The following CSMD1 variants were observed in gnomAD, a reference collection of about 807,000 sequenced individuals.
CSMD1 encodes CUB and Sushi multiple domains 1, also known as CUB and sushi domain-containing protein 1.
CSMD1 carries 213 observed loss-of-function variants against 417.5 expected under a neutral mutation model. The ratio of observed to expected loss-of-function variants is 0.51; its 90% CI spans 0.46 to 0.57. CSMD1 has a LOEUF of 0.57. Among genes scored for constraint, CSMD1 ranks in the 20% least tolerant of loss-of-function variants. The pLI, the probability that CSMD1 is intolerant of heterozygous loss-of-function variation, is 0.00. For synonymous variants in CSMD1, 2,862 were observed against 1,736.8 expected, an observed-to-expected ratio of 1.65 and a Z score of -16.11; for missense variants, 6,923 against 4,529.7, an observed-to-expected ratio of 1.53 and a Z score of -15.17.
intron 3 of CSMD1, among the ~76,000 whole-genome samples, chr8:4,368,869 G>A (rs1300100866): frequency 6.6e-6 from 1 of 152,004 alleles, no homozygotes; most frequent in Non-Finnish European, 1.5e-5. Flanking sequence ...CTATCTCACA[G>A]TCTATCAATC....
At chr8:3,403,624 A>T (rs1812172310) in intron 15 of CSMD1, among the ~76,000 whole-genome samples, 1 of 152,226 alleles carries the variant, frequency 6.6e-6, no homozygotes, top group Non-Finnish European at 1.5e-5. Context: ...ATGGTAAAGG[A>T]CATAAGGCAC....
intron 3 of CSMD1, among the ~76,000 whole-genome samples, chr8:4,042,295 G>A (rs993792197): frequency 6.6e-6 from 1 of 152,094 alleles, no homozygotes; most frequent in East Asian, 1.9e-4. Context: ...ACTAGTGGGG[G>A]TAGGAGTAAT....
intron 7 of CSMD1, among the ~76,000 whole-genome samples, chr8:3,647,035 G>A (rs1042400768): frequency 1.3e-5 from 2 of 152,096 alleles, no homozygotes; most frequent in African/African-American, 2.4e-5. Flanking sequence ...TGCCACTTCT[G>A]GTGCTTCTTG....
At chr8:4,402,991 C>G (rs993980548) in intron 3 of CSMD1, among the ~76,000 whole-genome samples, 1 of 151,358 alleles carries the variant, frequency 6.6e-6, no homozygotes, top group African/African-American at 2.4e-5. Context: ...GGCTAATTTT[C>G]TTTTGTTGTT....
chr8:4,720,591 T>C lies in CSMD1; in HGVS notation c.86-83033A>G, dbSNP rs140435400. ...TGCCACCATGCCAGGCTAATTTCTG[T>C]ATTTAAATAGAGACAGGGTTTCACC... On this transcript the variant is annotated intron_variant, in intron 1 of 69. Transcript: ENST00000635120. Among the ~76,000 whole-genome samples the C allele has an allele frequency of 7.9e-5, 12 of 152,234 alleles. No individual in the cohort carries two copies. The East Asian group carries it at 2.3e-3, about 29-fold the overall frequency.
intron 25 of CSMD1, among the ~76,000 whole-genome samples, chr8:3,299,296 A>G (rs542299536): frequency 6.6e-6 from 1 of 152,224 alleles, no homozygotes; most frequent in South Asian, 2.1e-4. Flanking sequence ...TACTAAAAAT[A>G]TAAAAATCAG....
chr8:4,800,599 C>T (rs76176146), intron 1 of CSMD1, among the ~76,000 whole-genome samples: 1 of 152,300 alleles, frequency 6.6e-6, no homozygotes, highest in South Asian at 2.1e-4. Context: ...GGAAGGACGC[C>T]TAGCAAAGGG....
At chr8:3,397,003 G>C (rs1811743286) in intron 16 of CSMD1, among the ~76,000 whole-genome samples, 1 of 152,086 alleles carries the variant, frequency 6.6e-6, no homozygotes, top group Non-Finnish European at 1.5e-5. Context: ...AGTTACAACA[G>C]CTTCCAAAAA....
intron 10 of CSMD1, among the ~76,000 whole-genome samples, chr8:3,553,650 T>C (rs927034991): frequency 3.9e-5 from 6 of 152,210 alleles, no homozygotes; most frequent in Admixed American, 2.6e-4. Flanking sequence ...TGAAAACAAC[T>C]TGACTCTTTG....
At chr8:4,543,934 T>C (rs908030070) in intron 2 of CSMD1, among the ~76,000 whole-genome samples, 6 of 152,178 alleles carry the variant, frequency 3.9e-5, no homozygotes, top group Non-Finnish European at 5.9e-5. Flanking sequence ...TTATCATCTT[T>C]GGTGAGGTGT....
Position 3,029,649 on chromosome 8 carries a change from A to T in CSMD1, c.7661-136T>A, listed in dbSNP as rs200668844. 3.0e-5 allele frequency: 20 copies of T among 664,938 alleles called. No homozygotes were observed. In the East Asian group the frequency reaches 5.2e-4, roughly 17 times the overall value. 41.2% of individuals were successfully genotyped at this position (664,938 alleles called of 1,614,324 possible). A position where few individuals can be genotyped will look rare whatever the true frequency, so the allele number is the denominator to read the frequency against. The stretch of plus-strand genomic sequence containing the variant: ...AGTTGATGCCATTACGTATTATCTC[A>T]GTGTTTCTCTACCACCCACATAGAC... On this transcript the variant is annotated intron_variant, in intron 50 of 69. Coordinates refer to ENST00000635120, the MANE Select transcript of CSMD1 (RefSeq NM_033225.6).
intron 3 of CSMD1, among the ~76,000 whole-genome samples, chr8:4,081,047 T>G (rs1417297169): frequency 1.3e-5 from 2 of 152,088 alleles, no homozygotes; most frequent in African/African-American, 2.4e-5. Flanking sequence ...GGACACAAAG[T>G]TCATCCCCTT....
chr8:4,830,774 C>A (rs9657403), intron 1 of CSMD1, among the ~76,000 whole-genome samples: 21,322 of 152,096 alleles, frequency 0.14, 1,901 homozygotes, highest in African/African-American at 0.26. Context: ...AAGCATAGGT[C>A]ATTCCAGAGT....
chr8:3,281,481 G>C (rs555423087), intron 26 of CSMD1, among the ~76,000 whole-genome samples: 1 of 152,108 alleles, frequency 6.6e-6, no homozygotes, highest in African/African-American at 2.4e-5. Flanking sequence ...GGTACAACAA[G>C]TCAATAGAAT....
chr8:4,280,075 T>A (rs576883325), intron 3 of CSMD1, among the ~76,000 whole-genome samples: 1 of 152,352 alleles, frequency 6.6e-6, no homozygotes, highest in South Asian at 2.1e-4. Flanking sequence ...AACTAACGCG[T>A]TGAAAATAAA....
At chr8:4,080,084 C>T (rs1007330806) in intron 3 of CSMD1, among the ~76,000 whole-genome samples, 1 of 151,562 alleles carries the variant, frequency 6.6e-6, no homozygotes, top group African/African-American at 2.4e-5. Context: ...CAGTCTCTGT[C>T]TCCATGTTTG....
At chr8:3,923,091 C>G (rs543841428) in intron 5 of CSMD1, among the ~76,000 whole-genome samples, 1 of 152,064 alleles carries the variant, frequency 6.6e-6, no homozygotes, top group Non-Finnish European at 1.5e-5. Flanking sequence ...TGCGAAGGGC[C>G]CTTGTGACTG....
At chr8:4,035,280 A>G (rs543592559) in intron 3 of CSMD1, among the ~76,000 whole-genome samples, 3 of 152,228 alleles carry the variant, frequency 2.0e-5, no homozygotes, top group Non-Finnish European at 4.4e-5. Context: ...TCTTCAGCAC[A>G]TACAATTAGG....
At chr8:4,698,593 T>C (rs1009510777) in intron 1 of CSMD1, among the ~76,000 whole-genome samples, 6 of 99,770 alleles carry the variant, frequency 6.0e-5, no homozygotes, top group Non-Finnish European at 1.1e-4. Context: ...ATGGAAATGA[T>C]AGAAATTTTT....
Sources: gnomAD v4.1 joint callset for allele counts (sites outside exome capture counted in the v4.1 genomes callset) on GRCh38, gnomAD v4.1.1 for gene constraint, MANE v1.5 for transcripts, NCBI Gene and HGNC (gene_info 2026-07-23, HGNC 2026-07-21) for gene names.